PPFIA2: variants seen among roughly 807,000 people sequenced by gnomAD.
PPFIA2 encodes PPFI scaffold protein A2.
PPFIA2 carries 46 observed loss-of-function variants against 175.5 expected under a neutral mutation model. The observed-to-expected ratio is 0.26, with a 90% CI of 0.21 to 0.34. The LOEUF is 0.34. Ranked by LOEUF, PPFIA2 falls within the 10% of genes least tolerant of loss-of-function variation. PPFIA2 has a pLI of 1.00. For missense variants in PPFIA2, 1,179 were observed against 1,506.1 expected, an observed-to-expected ratio of 0.78 and a Z score of 3.60; for synonymous variants, 568 against 511.4, an observed-to-expected ratio of 1.11 and a Z score of -1.49.
In PPFIA2 at chr12:81,597,778, C is replaced by T. The variant is rs554313001; in HGVS notation, c.303+79013G>A. ...TTTAATTCACAGAGACTCCTAATGC[C>T]ATCCTATACCCACAGTTTAAAGTAG... On this transcript the variant is annotated intron_variant, in intron 4 of 32. Transcript: ENST00000549396. 9.9e-5 allele frequency among the ~76,000 whole-genome samples: 15 copies of T among 151,788 alleles called. No homozygotes were observed. The East Asian group carries it at 2.9e-3, about 29-fold the overall frequency.
chr12:81,680,259 C>T (rs1327162606), intron 3 of PPFIA2, among the ~76,000 whole-genome samples: 1 of 151,964 alleles, frequency 6.6e-6, no homozygotes, highest in African/African-American at 2.4e-5. Flanking sequence ...ATAGCTACTA[C>T]TCAGTGAACA....
At chr12:81,492,956 A>T (rs1319821790) in intron 4 of PPFIA2, among the ~76,000 whole-genome samples, 1 of 152,092 alleles carries the variant, frequency 6.6e-6, no homozygotes, top group Non-Finnish European at 1.5e-5. Flanking sequence ...GATTATGCAT[A>T]TGTTTTCAAG....
chr12:81,518,331 A>G (rs1346296535), intron 4 of PPFIA2, among the ~76,000 whole-genome samples: 1 of 152,064 alleles, frequency 6.6e-6, no homozygotes, highest in Non-Finnish European at 1.5e-5. Context: ...GTACACCCCA[A>G]TTCCATAATC....
At chr12:81,405,070 A>G (rs2042698382) in intron 8 of PPFIA2, among the ~76,000 whole-genome samples, 1 of 152,082 alleles carries the variant, frequency 6.6e-6, no homozygotes, top group Non-Finnish European at 1.5e-5. Flanking sequence ...CCAATAACTT[A>G]CCTTCTTCCT....
intron 4 of PPFIA2, among the ~76,000 whole-genome samples, chr12:81,514,047 C>T (rs2062106135): frequency 6.6e-6 from 1 of 151,972 alleles, no homozygotes; most frequent in Non-Finnish European, 1.5e-5. Context: ...ATTAATACTA[C>T]ATGAGCAGAT....
At chr12:81,757,804 C>G (rs1264178549) in intron 2 of PPFIA2, among the ~76,000 whole-genome samples, 2 of 152,080 alleles carry the variant, frequency 1.3e-5, no homozygotes, top group Non-Finnish European at 2.9e-5. Flanking sequence ...CAACAAATGA[C>G]TTTATTTAAT....
chr12:81,399,793 T>C (rs1009653730), intron 8 of PPFIA2, among the ~76,000 whole-genome samples: 5 of 152,160 alleles, frequency 3.3e-5, no homozygotes, highest in Admixed American at 6.6e-5. Context: ...CAAGTCGTTA[T>C]GTTTTGTAAG....
At chr12:81,558,273 C>T (rs1189809237) in intron 4 of PPFIA2, among the ~76,000 whole-genome samples, 1 of 152,092 alleles carries the variant, frequency 6.6e-6, no homozygotes, top group Non-Finnish European at 1.5e-5. Context: ...CATATTCATG[C>T]TTTTCCACAT....
chr12:81,425,222 A>G (rs1456472802), intron 7 of PPFIA2, among the ~76,000 whole-genome samples: 2 of 152,210 alleles, frequency 1.3e-5, no homozygotes, highest in African/African-American at 4.8e-5. Flanking sequence ...GGGAAAGGTA[A>G]GTAAGTGGTT....
intron 4 of PPFIA2, among the ~76,000 whole-genome samples, chr12:81,502,273 G>C (rs1364216513): frequency 6.6e-6 from 1 of 152,072 alleles, no homozygotes; most frequent in African/African-American, 2.4e-5. Flanking sequence ...AAACGATATG[G>C]AACTGCAAAC....
At chr12:81,383,966 A>T (rs1595883742) in intron 9 of PPFIA2, 57 bp downstream of exon 9, 2 of 1,354,064 alleles carry the variant, frequency 1.5e-6, no homozygotes, top group African/African-American at 1.4e-5. Context: ...TTATGGAAAC[A>T]GTATCTCAGA....
chr12:81,736,918 A>C (rs1248897944), intron 3 of PPFIA2, among the ~76,000 whole-genome samples: 1 of 151,860 alleles, frequency 6.6e-6, no homozygotes, highest in Non-Finnish European at 1.5e-5. Context: ...CATTTAAAAA[A>C]TAATTTGTAG....
chr12:81,407,340 G>A (rs1021477864), intron 7 of PPFIA2, among the ~76,000 whole-genome samples: 24 of 151,910 alleles, frequency 1.6e-4, no homozygotes, highest in South Asian at 4.2e-4. Flanking sequence ...AAAATTAGCC[G>A]GGCGTGATGG....
intron 11 of PPFIA2, among the ~76,000 whole-genome samples, chr12:81,372,642 TA>T (rs201293714): frequency 0.014 from 2,033 of 143,660 alleles, 25 homozygotes; most frequent in African/African-American, 0.04. Flanking sequence ...CTCAAATGTT[TA>T]AAAAAAAAAA....
chr12:81,740,215 T>C (rs2082159897), intron 3 of PPFIA2, among the ~76,000 whole-genome samples: 1 of 152,166 alleles, frequency 6.6e-6, no homozygotes, highest in Non-Finnish European at 1.5e-5. Context: ...AGCCTTATTA[T>C]GAGTATTTTT....
At position 81,708,136 on chromosome 12, in the gene PPFIA2, A is replaced by G. The variant is rs866015963; in HGVS notation, c.250-31292T>C. Among the ~76,000 whole-genome samples, 112 of 151,922 alleles carry G rather than the reference A, an allele frequency of 7.4e-4. 1 individual carries two copies. The highest frequency in any genetic ancestry group is 3.2e-3 in the Middle Eastern group (1 of 316). On this transcript the variant is annotated intron_variant, in intron 3 of 32. Coordinates refer to ENST00000549396, the MANE Select transcript of PPFIA2 (RefSeq NM_003625.5). ...ATGTATACATATGTAACTAACCTGC[A>G]TATTGTGCACATGTACCCTAAAACT...
intron 3 of PPFIA2, among the ~76,000 whole-genome samples, chr12:81,680,493 G>A (rs1567840628): frequency 6.6e-6 from 1 of 151,886 alleles, no homozygotes; most frequent in Non-Finnish European, 1.5e-5. Context: ...TGGTACCCTG[G>A]TGACACTGCA....
chr12:81,521,543 T>C (rs376148185), intron 4 of PPFIA2, among the ~76,000 whole-genome samples: 1 of 151,536 alleles, frequency 6.6e-6, no homozygotes, highest in South Asian at 2.1e-4. Flanking sequence ...GAAGTATTCA[T>C]AGCCTTTTGT....
intron 4 of PPFIA2, among the ~76,000 whole-genome samples, chr12:81,613,670 A>G (rs904930441): frequency 6.6e-6 from 1 of 152,124 alleles, no homozygotes; most frequent in African/African-American, 2.4e-5. Context: ...AGTTTAAGAG[A>G]TAATAAGTTT....
Sources: gnomAD v4.1 joint callset for allele counts (sites outside exome capture counted in the v4.1 genomes callset) on GRCh38, gnomAD v4.1.1 for gene constraint, MANE v1.5 for transcripts, NCBI Gene and HGNC (gene_info 2026-07-23, HGNC 2026-07-21) for gene names.